Variants in SPAG17 observed in about 807,000 individuals in gnomAD.
SPAG17 encodes sperm-associated antigen 17.
Under a neutral mutation model 273.6 loss-of-function variants are expected in SPAG17, and 169 were observed. That is an observed-to-expected ratio of 0.62 (90% confidence interval 0.55 to 0.70). SPAG17 has a LOEUF of 0.70. SPAG17 is among the 30% of genes least tolerant of loss of function. The probability of loss-of-function intolerance (pLI) is 0.00; values close to 1 mark genes in which losing one functional copy is unlikely to be tolerated. For missense variants in SPAG17, 2,557 were observed against 2,627.8 expected (o/e 0.97, Z 0.59); for synonymous variants, 825 against 873.2 (o/e 0.94, Z 0.97).
chr1:118,099,585 G>A (rs994920494), intron 6 of SPAG17, 21 bp downstream of exon 6: 10 of 1,609,910 alleles, frequency 6.2e-6, no homozygotes, highest in Non-Finnish European at 2.5e-6. Flanking sequence ...GACTCAGTAA[G>A]TTGTGTAGCA....
At chr1:118,030,355 T>C (rs1217678780) in intron 25 of SPAG17, among the ~76,000 whole-genome samples, 3 of 152,202 alleles carry the variant, frequency 2.0e-5, no homozygotes, top group Non-Finnish European at 2.9e-5. Context: ...TAAGTACCAA[T>C]AGTCAAGACT....
At chr1:118,015,060 C>T (rs1278329575) in intron 29 of SPAG17, among the ~76,000 whole-genome samples, 5 of 151,392 alleles carry the variant, frequency 3.3e-5, no homozygotes, top group African/African-American at 9.7e-5. Flanking sequence ...TGAGGCGGGC[C>T]GATCACCTGA....
rs150266181 is a variant in SPAG17 at position 118,002,765 on chromosome 1, G to T, written c.4776+2649C>A. On this transcript the variant is annotated intron_variant, in intron 32 of 48. Coordinates refer to ENST00000336338, the MANE Select transcript of SPAG17 (RefSeq NM_206996.4). The stretch of plus-strand genomic sequence containing the variant: ...CCTGAATGCAGCACACTGATGGGTC[G>T]TGACTCTTTATCCAATTTGCCAGTC... Among the ~76,000 whole-genome samples, 146 of 152,130 alleles carry T rather than the reference G, an allele frequency of 9.6e-4. 2 individuals carry two copies. The highest frequency in any genetic ancestry group is 3.4e-3 in the African/African-American group (143 of 41,534).
chr1:118,155,630 T>C (rs1344609118), intron 1 of SPAG17, among the ~76,000 whole-genome samples: 1 of 152,142 alleles, frequency 6.6e-6, no homozygotes, highest in African/African-American at 2.4e-5. Context: ...TATGAACCAG[T>C]AGTGGTCAGC....
intron 48 of SPAG17, chr1:117,962,160 C>G (rs949648853): frequency 2.0e-5 from 3 of 152,142 alleles, no homozygotes; most frequent in Non-Finnish European, 4.4e-5. Context: ...AAAGATGTTT[C>G]TGTCTGCTAA....
At chr1:118,062,201 T>C (rs1035311496) in intron 18 of SPAG17, among the ~76,000 whole-genome samples, 4 of 151,494 alleles carry the variant, frequency 2.6e-5, no homozygotes, top group African/African-American at 7.3e-5. Flanking sequence ...ATCCCGTCTC[T>C]ACTAAAAATC....
intron 40 of SPAG17, among the ~76,000 whole-genome samples, chr1:117,986,658 C>A (rs2101620764): frequency 6.6e-6 from 1 of 152,192 alleles, no homozygotes; most frequent in South Asian, 2.1e-4. Context: ...CATCCTATAC[C>A]CCATCTCTCA....
chr1:118,032,922 T>C (rs1382061269), intron 24 of SPAG17, among the ~76,000 whole-genome samples: 1 of 152,010 alleles, frequency 6.6e-6, no homozygotes. Context: ...GGTTGCAGGG[T>C]TTATTATGTT....
chr1:117,961,739 G>C (rs1403731208), intron 48 of SPAG17: 1 of 152,110 alleles, frequency 6.6e-6, no homozygotes, highest in East Asian at 1.9e-4. Flanking sequence ...GGATGCAGTG[G>C]TGTTATTTGT....
At chr1:117,988,343 C>G (rs939835190) in intron 38 of SPAG17, 139 bp from the exon 39 acceptor site, 4 of 508,116 alleles carry the variant, frequency 7.9e-6, no homozygotes, top group Admixed American at 3.8e-5. Context: ...ACTTACATGA[C>G]CAAGCTGTAA....
At chr1:118,168,917 A>C (rs1660294985) in intron 1 of SPAG17, among the ~76,000 whole-genome samples, 1 of 152,130 alleles carries the variant, frequency 6.6e-6, no homozygotes, top group Non-Finnish European at 1.5e-5. Flanking sequence ...ATTTGACTGG[A>C]GTAGAGGAAG....
intron 1 of SPAG17, among the ~76,000 whole-genome samples, chr1:118,176,231 C>T (rs1660690815): frequency 6.6e-6 from 1 of 151,976 alleles, no homozygotes. Context: ...AGTAGTAAGT[C>T]CTTAATAACA....
chr1:118,000,991 G>A (rs1329297390), intron 32 of SPAG17, among the ~76,000 whole-genome samples: 2 of 152,194 alleles, frequency 1.3e-5, no homozygotes, highest in Non-Finnish European at 2.9e-5. Flanking sequence ...TTTGAGATAC[G>A]TTCCATTGAT....
Position 118,055,909 on chromosome 1 carries a change from T to G in SPAG17, c.2546A>C (p.Tyr849Ser), listed in dbSNP as rs749657064. 1 of 1,605,512 alleles carries G rather than the reference T, an allele frequency of 6.2e-7. No individual in the cohort carries two copies. The highest frequency in any genetic ancestry group is 8.5e-7 in the Non-Finnish European group (1 of 1,177,536). Residue 849 changes from tyrosine (Y) to serine (S), a missense_variant, in exon 19 of 49, where the codon TAT (tyrosine) becomes TCT (serine). Physicochemically the swap from Tyr to Ser is moderately radical, Grantham distance 144. Transcript: ENST00000336338. ...AATAGATTTTGCAACAAGTTCCAAA[T>G]AATTCCTAAACAAACCAATAGCAGA... The part of the protein sequence containing the change: ...ALHSNVGFRN[Y>S]LELVAKSIQD...
intron 20 of SPAG17, among the ~76,000 whole-genome samples, chr1:118,053,367 C>T (rs1244227194): frequency 6.6e-6 from 1 of 151,936 alleles, no homozygotes; most frequent in Non-Finnish European, 1.5e-5. Flanking sequence ...TTAAAGCTTA[C>T]AACAAAGCTA....
In SPAG17 at chr1:118,081,104, G is replaced by C. The variant is rs752684562; in HGVS notation, c.2206C>G (p.Leu736Val). 1 of 1,609,150 alleles carries C rather than the reference G, an allele frequency of 6.2e-7. No individual in the cohort carries two copies. The highest frequency in any genetic ancestry group is 8.5e-7 in the Non-Finnish European group (1 of 1,175,930). Residue 736 changes from leucine to valine, a missense_variant, in exon 15 of 49, where the codon CTG (leucine) becomes GTG (valine). Physicochemically the swap from Leu to Val is conservative, Grantham distance 32. Coordinates refer to ENST00000336338, the MANE Select transcript of SPAG17 (RefSeq NM_206996.4). ...ACACACACACACTTTAACTTACCCA[G>C]AGACTCATGTTGGGGCTGAGCCTTC... The part of the protein sequence containing the change: ...IMKAQPQHES[L>V]EQTTNNEIKD...
At chr1:118,063,085 G>A (rs1245837434) in intron 18 of SPAG17, among the ~76,000 whole-genome samples, 2 of 152,088 alleles carry the variant, frequency 1.3e-5, no homozygotes, top group African/African-American at 4.8e-5. Flanking sequence ...AAATAAAAGA[G>A]GATACAAACA....
rs1340392349 is a variant in SPAG17 at position 117,963,920 on chromosome 1, T to C, written c.6551A>G (p.Asn2184Ser). The stretch of plus-strand genomic sequence containing the variant: ...AAAGTCTTTTGGTCGTTTATCATAA[T>C]TGCTGCTTGTTAAAACAGGTAAAAT... ...PVEATVLTSS[N>S]YDKRPKDFPQ... is the part of the protein sequence containing the mutation. Residue 2184 changes from asparagine (N) to serine (S), a missense_variant, in exon 48 of 49, where the codon AAT becomes AGT. Asn to Ser is a conservative substitution (Grantham distance 46, BLOSUM62 1). Coordinates refer to ENST00000336338, the MANE Select transcript of SPAG17 (RefSeq NM_206996.4). 6.2e-7 allele frequency: 1 copy of C among 1,613,878 alleles called. No individual in the cohort carries two copies. Among genetic ancestry groups the C allele is most frequent in the Admixed American group, 1.7e-5 (1 of 59,986 alleles).
chr1:117,957,162 G>C, intron 48 of SPAG17: 1 of 1,612,240 alleles, frequency 6.2e-7, no homozygotes, highest in Non-Finnish European at 8.5e-7. Flanking sequence ...CTCTGATGTT[G>C]AACTTATATG....
Sources: allele counts gnomAD v4.1 joint callset (sites outside exome capture counted in the v4.1 genomes callset), GRCh38; gene constraint gnomAD v4.1.1; transcripts MANE v1.5; gene names NCBI Gene and HGNC (gene_info 2026-07-23, HGNC 2026-07-21).